SDK1: variants seen among roughly 807,000 people sequenced by gnomAD.
SDK1 encodes protein sidekick-1.
Under a neutral mutation model 245.5 loss-of-function variants are expected in SDK1, and 157 were observed. That is an observed-to-expected ratio of 0.64 (90% CI 0.56 to 0.73). The LOEUF is 0.73. Among genes scored for constraint, SDK1 ranks in the 30% least tolerant of loss-of-function variants. The pLI is 0.00. For synonymous variants in SDK1, 1,647 were observed against 1,278.5 expected, an observed-to-expected ratio of 1.29 and a Z score of -6.15; for missense variants, 3,583 against 3,002.3, an observed-to-expected ratio of 1.19 and a Z score of -4.52.
chr7:3,920,422 A>C (rs1779546050), intron 5 of SDK1, among the ~76,000 whole-genome samples: 2 of 152,098 alleles, frequency 1.3e-5, no homozygotes, highest in African/African-American at 2.4e-5. Flanking sequence ...GGTCAGCGGG[A>C]TTTATGACAT....
intron 1 of SDK1, among the ~76,000 whole-genome samples, chr7:3,347,384 G>T (rs907872299): frequency 2.0e-5 from 3 of 152,100 alleles, no homozygotes; most frequent in Admixed American, 2.0e-4. Context: ...TGGAGATCTG[G>T]TGATGTCATA....
intron 1 of SDK1, among the ~76,000 whole-genome samples, chr7:3,417,465 T>A (rs763960026): frequency 6.6e-6 from 1 of 152,154 alleles, no homozygotes; most frequent in Non-Finnish European, 1.5e-5. Context: ...TTTCTCTCTC[T>A]TACTTGCTGC....
rs184579073 is a variant in SDK1, at chr7:3,602,496, A to G, written c.299-16584A>G. 4.1e-3 allele frequency among the ~76,000 whole-genome samples: 628 copies of G among 152,198 alleles called. 4 individuals carry two copies. The highest frequency in any genetic ancestry group is 0.014 in the Middle Eastern group (4 of 294). On this transcript the variant is annotated intron_variant, in intron 1 of 44. Transcript: ENST00000404826. ...CTTCTTTTGAGACGTGTCTGTTCAT[A>G]TGCTTCGCCCACTTTTTGATGGGGT...
chr7:4,012,665 C>G (rs1786084561), intron 16 of SDK1, among the ~76,000 whole-genome samples: 1 of 142,332 alleles, frequency 7.0e-6, no homozygotes, highest in African/African-American at 2.6e-5. Flanking sequence ...CTTCCGCTGC[C>G]TGGGTTCAAG....
At chr7:4,105,576 A>G (rs1364850879) in intron 22 of SDK1, among the ~76,000 whole-genome samples, 1 of 152,118 alleles carries the variant, frequency 6.6e-6, no homozygotes, top group Non-Finnish European at 1.5e-5. Flanking sequence ...AAGTGCTGGG[A>G]TTACAGGCGT....
chr7:3,316,541 A>G (rs986619190), intron 1 of SDK1, among the ~76,000 whole-genome samples: 1 of 152,206 alleles, frequency 6.6e-6, no homozygotes, highest in Non-Finnish European at 1.5e-5. Flanking sequence ...TGTATATTCA[A>G]TATAATATAA....
At chr7:3,513,172 A>G (rs893628617) in intron 1 of SDK1, among the ~76,000 whole-genome samples, 3 of 152,212 alleles carry the variant, frequency 2.0e-5, no homozygotes, top group African/African-American at 7.2e-5. Flanking sequence ...CAGACACTAG[A>G]TTTAGTCTTT....
chr7:4,194,687 G>GT (rs1783479599), intron 35 of SDK1, among the ~76,000 whole-genome samples: 1 of 152,086 alleles, frequency 6.6e-6, no homozygotes, highest in Non-Finnish European at 1.5e-5. Flanking sequence ...CTCATTTCAC[G>GT]TTTTTTCTGC....
At chr7:4,058,531 G>GGTCTTCTC (rs2128169816) in intron 19 of SDK1, among the ~76,000 whole-genome samples, 1 of 152,262 alleles carries the variant, frequency 6.6e-6, no homozygotes, top group East Asian at 1.9e-4. Context: ...TATTCAGAAA[G>GGTCTTCTC]GTCTTCTCCA....
chr7:4,220,959 G>A (rs1584476723), intron 39 of SDK1, among the ~76,000 whole-genome samples: 1 of 147,470 alleles, frequency 6.8e-6, no homozygotes, highest in African/African-American at 2.5e-5. Context: ...ACTTTTTTTT[G>A]TATTTTGTAG....
chr7:3,693,172 T>G (rs1461675804), intron 4 of SDK1, among the ~76,000 whole-genome samples: 4 of 152,156 alleles, frequency 2.6e-5, no homozygotes, highest in Admixed American at 2.6e-4. Context: ...TGTTGTATAC[T>G]CATTTATAAT....
intron 44 of SDK1, among the ~76,000 whole-genome samples, chr7:4,264,236 G>GA (rs1788278864): frequency 1.1e-4 from 6 of 56,660 alleles, no homozygotes; most frequent in South Asian, 7.7e-4. Flanking sequence ...TCTCCTGAGT[G>GA]GGGAGGCCGC....
At chr7:3,874,518 G>C (rs1318300170) in intron 5 of SDK1, among the ~76,000 whole-genome samples, 1 of 152,130 alleles carries the variant, frequency 6.6e-6, no homozygotes, top group Non-Finnish European at 1.5e-5. Context: ...GTCCTGACAA[G>C]TGTTCCTGCT....
intron 4 of SDK1, among the ~76,000 whole-genome samples, chr7:3,694,929 C>G (rs1287342593): frequency 2.0e-5 from 3 of 152,190 alleles, no homozygotes; most frequent in Non-Finnish European, 4.4e-5. Flanking sequence ...ATAGGCATTT[C>G]TGTTCTGTAG....
intron 4 of SDK1, among the ~76,000 whole-genome samples, chr7:3,785,037 A>G (rs1277841662): frequency 1.3e-5 from 2 of 152,244 alleles, no homozygotes; most frequent in South Asian, 2.1e-4. Context: ...AATGAAGGAA[A>G]TGCTTTCATT....
intron 15 of SDK1, 22 bp downstream of exon 15, chr7:4,011,135 T>G (rs1309131417): frequency 6.2e-7 from 1 of 1,610,554 alleles, no homozygotes; most frequent in Non-Finnish European, 8.5e-7. Flanking sequence ...CCGCCCCAGG[T>G]GGGGGTGTGG....
chr7:3,420,922 T>C (rs1038624856), intron 1 of SDK1, among the ~76,000 whole-genome samples: 2 of 152,170 alleles, frequency 1.3e-5, no homozygotes, highest in African/African-American at 4.8e-5. Flanking sequence ...ACCTCCCTGA[T>C]AGGCCCCAGT....
intron 19 of SDK1, among the ~76,000 whole-genome samples, chr7:4,059,317 C>T (rs1779389560): frequency 6.6e-6 from 1 of 152,090 alleles, no homozygotes; most frequent in Non-Finnish European, 1.5e-5. Context: ...AGATAAAATA[C>T]TTTAAGTAAA....
chr7:3,900,806 T>A (rs1256223874), intron 5 of SDK1, among the ~76,000 whole-genome samples: 1 of 152,124 alleles, frequency 6.6e-6, no homozygotes, highest in Non-Finnish European at 1.5e-5. Context: ...ATTTGCAGAT[T>A]TGTTGCAGAC....
Sources: gnomAD v4.1 joint callset for allele counts (sites outside exome capture counted in the v4.1 genomes callset) on GRCh38, gnomAD v4.1.1 for gene constraint, MANE v1.5 for transcripts, NCBI Gene and HGNC (gene_info 2026-07-23, HGNC 2026-07-21) for gene names.